Variants in CDC42SE2 observed in about 807,000 individuals in gnomAD.
CDC42SE2 encodes the protein CDC42 small effector protein 2.
Under a neutral mutation model 11.5 loss-of-function variants are expected in CDC42SE2, and 3 were observed. That is an observed-to-expected ratio of 0.26 (90% confidence interval 0.12 to 0.67). The LOEUF is 0.67. Ranked by LOEUF, CDC42SE2 falls within the 30% of genes least tolerant of loss-of-function variation. CDC42SE2 has a pLI of 0.80. For missense variants in CDC42SE2, 82 were observed against 106.8 expected, an observed-to-expected ratio of 0.77 and a Z score of 1.02; for synonymous variants, 33 against 34.8, an observed-to-expected ratio of 0.95 and a Z score of 0.18.
chr5:131,383,420 G>A (rs1750382423), intron 3 of CDC42SE2, among the ~76,000 whole-genome samples: 1 of 152,142 alleles, frequency 6.6e-6, no homozygotes, highest in Non-Finnish European at 1.5e-5. Flanking sequence ...TCAAAAAAAG[G>A]CTTGAAGTAA....
chr5:131,337,650 A>C lies in CDC42SE2; in HGVS notation c.-286+21506A>C, dbSNP rs189640517. On this transcript the variant is annotated intron_variant, in intron 2 of 4. Transcript: ENST00000505065. ...AGCTTCCAGGCTGCTTTGTTTACCTACTCAAGCCTGAGCAATGGCGGGCAC... is the reference window on the plus strand; with the variant it reads ...AGCTTCCAGGCTGCTTTGTTTACCTCCTCAAGCCTGAGCAATGGCGGGCAC... 4.1e-3 allele frequency among the ~76,000 whole-genome samples: 628 copies of C among 152,126 alleles called. 4 individuals carry two copies. The highest frequency in any genetic ancestry group is 0.013 in the African/African-American group (545 of 41,508).
At chr5:131,294,308 A>G (rs573923329) in intron 1 of CDC42SE2, among the ~76,000 whole-genome samples, 2 of 152,316 alleles carry the variant, frequency 1.3e-5, no homozygotes, top group Admixed American at 1.3e-4. Flanking sequence ...GAAAATTAAT[A>G]CAAGATAAAG....
chr5:131,300,763 A>G (rs543673371), intron 1 of CDC42SE2, among the ~76,000 whole-genome samples: 31 of 151,602 alleles, frequency 2.0e-4, no homozygotes, highest in Middle Eastern at 3.4e-3. Flanking sequence ...AGCCTGGGTG[A>G]CAGAGCGAGA....
At chr5:131,390,663 A>G (rs1750623484) in intron 4 of CDC42SE2, among the ~76,000 whole-genome samples, 1 of 152,196 alleles carries the variant, frequency 6.6e-6, no homozygotes, top group South Asian at 2.1e-4. Flanking sequence ...CAACAGAGCG[A>G]GACTGTCTTA....
At chr5:131,332,140 C>T (rs1477630889) in intron 2 of CDC42SE2, among the ~76,000 whole-genome samples, 1 of 152,098 alleles carries the variant, frequency 6.6e-6, no homozygotes, top group South Asian at 2.1e-4. Context: ...ACAACAGTCC[C>T]CGGTGTGTGA....
At chr5:131,292,158 G>A (rs1221126857) in intron 1 of CDC42SE2, among the ~76,000 whole-genome samples, 1 of 142,826 alleles carries the variant, frequency 7.0e-6, no homozygotes. Context: ...AGAATCGCTT[G>A]AGCCTGGGAG....
chr5:131,345,451 A>G (rs1281126751), intron 2 of CDC42SE2, among the ~76,000 whole-genome samples: 1 of 152,168 alleles, frequency 6.6e-6, no homozygotes, highest in African/African-American at 2.4e-5. Context: ...TTTAGAGAAA[A>G]AAGGGTAAAA....
At chr5:131,220,160 T>C in the CDC42SE2 span, among the ~76,000 whole-genome samples, 5 of 152,184 alleles carry the variant, frequency 3.3e-5, no homozygotes, top group African/African-American at 1.2e-4. Flanking sequence ...TGCCATTGTT[T>C]TAAGAATAAC....
At position 131,394,650 on chromosome 5, in the gene CDC42SE2, A is replaced by G. The variant is rs1381640869; in HGVS notation, c.*3559A>G. On this transcript the variant is annotated 3_prime_UTR_variant, in exon 5 of 5. Coordinates refer to ENST00000505065, the MANE Select transcript of CDC42SE2 (RefSeq NM_001375635.1). Reference sequence around the variant, plus strand: ...AAAAGAAAGTATTGATTTTGATTCAATAAATGTTTTCTTTCAATCCTGGTT... The same window carrying G: ...AAAAGAAAGTATTGATTTTGATTCAGTAAATGTTTTCTTTCAATCCTGGTT... 1 of 152,344 alleles carries G rather than the reference A, an allele frequency of 6.6e-6. No homozygotes were observed. The highest frequency in any genetic ancestry group is 1.5e-5 in the Non-Finnish European group (1 of 68,044). 9.4% of individuals were successfully genotyped at this position (152,344 alleles called of 1,614,324 possible). A position where few individuals can be genotyped will look rare whatever the true frequency, so the allele number is the denominator to read the frequency against.
chr5:131,384,913 C>CAAAAA (rs34252680), intron 3 of CDC42SE2, among the ~76,000 whole-genome samples: 1 of 72,080 alleles, frequency 1.4e-5, no homozygotes, highest in African/African-American at 4.5e-5. Context: ...GACTCCATCT[C>CAAAAA]AAAAAAAAAA....
At chr5:131,238,875 AATT>A in the CDC42SE2 span, among the ~76,000 whole-genome samples, 2 of 152,056 alleles carry the variant, frequency 1.3e-5, no homozygotes, top group African/African-American at 4.8e-5. Context: ...TATCTTTAAA[AATT>A]ATTATTACAC....
intron 2 of CDC42SE2, among the ~76,000 whole-genome samples, chr5:131,341,895 CAAT>C (rs1758719033): frequency 1.7e-5 from 2 of 115,524 alleles, no homozygotes; most frequent in African/African-American, 8.0e-5. Context: ...ACTCTTGTCT[CAAT>C]AAAAAAAAAA....
chr5:131,228,244 G>A, the CDC42SE2 span, among the ~76,000 whole-genome samples: 3 of 152,122 alleles, frequency 2.0e-5, no homozygotes, highest in Non-Finnish European at 1.5e-5. Context: ...GTAGGTACCT[G>A]TAGTCCCAGC....
At chr5:131,367,398 G>A (rs1418805681) in intron 3 of CDC42SE2, among the ~76,000 whole-genome samples, 2 of 152,122 alleles carry the variant, frequency 1.3e-5, no homozygotes, top group African/African-American at 2.4e-5. Context: ...TGTGGGGTGT[G>A]GGCATGATCA....
At chr5:131,248,749 A>C (rs555310363) in intron 1 of CDC42SE2, among the ~76,000 whole-genome samples, 1 of 152,326 alleles carries the variant, frequency 6.6e-6, no homozygotes, top group East Asian at 1.9e-4. Context: ...AATCTAACAG[A>C]AGTTAGCCAA....
intron 1 of CDC42SE2, among the ~76,000 whole-genome samples, chr5:131,289,087 T>G (rs1757399125): frequency 6.6e-6 from 1 of 152,202 alleles, no homozygotes; most frequent in African/African-American, 2.4e-5. Flanking sequence ...CATCATAAGT[T>G]TAAAAGGTTG....
intron 1 of CDC42SE2, among the ~76,000 whole-genome samples, chr5:131,249,788 C>A (rs898148901): frequency 6.6e-6 from 1 of 151,944 alleles, no homozygotes; most frequent in Non-Finnish European, 1.5e-5. Flanking sequence ...GAGGCTGAGG[C>A]GGGAGGATCA....
rs57983467 is a variant in CDC42SE2 at position 131,346,195 on chromosome 5, GAC to G, written c.-285-13010_-285-13009del. 9.7e-3 allele frequency among the ~76,000 whole-genome samples: 1,484 copies of G among 152,260 alleles called. 25 individuals carry two copies. The highest frequency in any genetic ancestry group is 0.034 in the African/African-American group (1,401 of 41,524). ...AATGGGCTAAATGTTCCAATTAAAA[GAC>G]ACAGACTGGCAAATTGGATAAAGAG... On this transcript the variant is annotated intron_variant, in intron 2 of 4. Coordinates refer to ENST00000505065, the MANE Select transcript of CDC42SE2 (RefSeq NM_001375635.1).
At chr5:131,344,262 C>T (rs893642284) in intron 2 of CDC42SE2, among the ~76,000 whole-genome samples, 7 of 152,264 alleles carry the variant, frequency 4.6e-5, no homozygotes, top group South Asian at 2.1e-4. Flanking sequence ...AAAGGGAAGC[C>T]GTGACAGATG....
Sources: allele counts gnomAD v4.1 joint callset (sites outside exome capture counted in the v4.1 genomes callset), GRCh38; gene constraint gnomAD v4.1.1; transcripts MANE v1.5; gene names NCBI Gene and HGNC (gene_info 2026-07-23, HGNC 2026-07-21).